GOLGB1: variants seen among roughly 807,000 people sequenced by gnomAD.
The protein encoded by GOLGB1 is golgin subfamily B member 1.
Under a neutral mutation model 336.9 loss-of-function variants are expected in GOLGB1, and 174 were observed. That is an observed-to-expected ratio of 0.52 (90% confidence interval 0.46 to 0.59). The LOEUF is 0.59. Ranked by LOEUF, GOLGB1 falls within the 20% of genes least tolerant of loss-of-function variation. The pLI, the probability that GOLGB1 is intolerant of heterozygous loss-of-function variation, is 0.00. For synonymous variants in GOLGB1, 1,208 were observed against 1,289.2 expected, an observed-to-expected ratio of 0.94 and a Z score of 1.35; for missense variants, 3,331 against 3,645.3, an observed-to-expected ratio of 0.91 and a Z score of 2.22.
At chr3:121,667,058 T>C (rs1011509991) in intron 20 of GOLGB1, among the ~76,000 whole-genome samples, 1 of 152,238 alleles carries the variant, frequency 6.6e-6, no homozygotes, top group Non-Finnish European at 1.5e-5. Context: ...AATAAAAAGC[T>C]ACATTCTTTT....
intron 9 of GOLGB1, among the ~76,000 whole-genome samples, chr3:121,716,217 T>C (rs188932204): frequency 6.6e-6 from 1 of 152,322 alleles, no homozygotes; most frequent in Non-Finnish European, 1.5e-5. Flanking sequence ...TAGGCACATA[T>C]TACTTTTATA....
chr3:121,740,245 T>A (rs546175239), intron 1 of GOLGB1, among the ~76,000 whole-genome samples: 11 of 152,238 alleles, frequency 7.2e-5, no homozygotes, highest in Non-Finnish European at 1.5e-4. Context: ...AACTGGGGAA[T>A]ATATCTATCT....
intron 17 of GOLGB1, among the ~76,000 whole-genome samples, chr3:121,670,685 A>G (rs1340789099): frequency 7.0e-6 from 1 of 142,072 alleles, no homozygotes; most frequent in Non-Finnish European, 1.5e-5. Flanking sequence ...CTAGAGCTCT[A>G]TCTACTATCT....
At chr3:121,728,688 C>T (rs1945848373) in intron 4 of GOLGB1, among the ~76,000 whole-genome samples, 1 of 152,192 alleles carries the variant, frequency 6.6e-6, no homozygotes, top group African/African-American at 2.4e-5. Context: ...CCTAGTGAGC[C>T]TCCCTTTTAG....
At chr3:121,706,452 A>G (rs1470942695) in intron 10 of GOLGB1, among the ~76,000 whole-genome samples, 1 of 152,050 alleles carries the variant, frequency 6.6e-6, no homozygotes, top group Non-Finnish European at 1.5e-5. Context: ...AACAAAATGC[A>G]AGGGCCGGGT....
At chr3:121,743,050 C>T (rs1230680631) in intron 1 of GOLGB1, among the ~76,000 whole-genome samples, 1 of 152,206 alleles carries the variant, frequency 6.6e-6, no homozygotes, top group Admixed American at 6.5e-5. Context: ...TTGTGGAAGA[C>T]AGTGTGGCAA....
chr3:121,682,952 C>T (rs2107679907), intron 14 of GOLGB1, among the ~76,000 whole-genome samples: 1 of 151,246 alleles, frequency 6.6e-6, no homozygotes, highest in South Asian at 2.1e-4. Flanking sequence ...GAATTAACAG[C>T]ATCAGGCACC....
rs1265296283 is a variant in GOLGB1 at position 121,691,984 on chromosome 3, T to G, written c.7380A>C (p.Gln2460His). 6.2e-7 allele frequency: 1 copy of G among 1,613,976 alleles called. No homozygotes were observed. Among genetic ancestry groups the G allele is most frequent in the South Asian group, 1.1e-5 (1 of 91,022 alleles). Reference protein sequence around the residue: ...LKTIKKENIQQKAQLDSFVKS... With the variant: ...LKTIKKENIQHKAQLDSFVKS... ...TAACAAAGGAATCCAACTGTGCCTTTTGCTGAATGTTTTCCTTTTTGATGG... is the reference window on the plus strand; with the variant it reads ...TAACAAAGGAATCCAACTGTGCCTTGTGCTGAATGTTTTCCTTTTTGATGG... The change falls in exon 14 of 22, where the codon CAA becomes CAC. Residue 2460 changes from glutamine (Q) to histidine (H), a missense_variant. Gln to His is a conservative substitution (Grantham distance 24). Coordinates refer to ENST00000614479, the MANE Select transcript of GOLGB1 (RefSeq NM_001366282.2).
At chr3:121,711,363 T>A (rs1276712596) in intron 10 of GOLGB1, among the ~76,000 whole-genome samples, 1 of 151,964 alleles carries the variant, frequency 6.6e-6, no homozygotes, top group African/African-American at 2.4e-5. Flanking sequence ...GAAAAATTCC[T>A]CTACAAGATT....
chr3:121,704,158 T>C (rs1402252169), intron 10 of GOLGB1, among the ~76,000 whole-genome samples: 1 of 151,134 alleles, frequency 6.6e-6, no homozygotes, highest in African/African-American at 2.4e-5. Context: ...CTCAGGGACA[T>C]GTGGGACAAT....
intron 15 of GOLGB1, 115 bp from the exon 16 acceptor site, chr3:121,677,565 TAAAG>T (rs1282166052): frequency 2.4e-5 from 17 of 696,976 alleles, no homozygotes; most frequent in Non-Finnish European, 3.9e-5. Context: ...ATCTGGAAGG[TAAAG>T]AAAGAAAGGC....
At position 121,717,098 on chromosome 3, in the gene GOLGB1, A is replaced by G. The variant is rs752295130; in HGVS notation, c.927T>C (p.Asn309=). 2 of 1,613,126 alleles carry G rather than the reference A, an allele frequency of 1.2e-6. No homozygotes were observed. The highest frequency in any genetic ancestry group is 1.1e-5 in the South Asian group (1 of 90,982). ...CTGTTTCCACAGTGTTCCTCAAAGT[A>G]TTATGCTCAGCTTCCATCTGCTGTA... ...QQLQQMEAEH[N]TLRNTVETER... The change falls in exon 9 of 22, where the codon AAT becomes AAC. Residue 309 remains asparagine (N), a synonymous_variant. Coordinates refer to ENST00000614479, the MANE Select transcript of GOLGB1 (RefSeq NM_001366282.2).
Position 121,696,184 on chromosome 3 carries a change from G to C in GOLGB1, c.4339C>G (p.Gln1447Glu). Reference sequence around the variant, plus strand: ...TGCTCTTTGGCTTGCATTTCTAGCTGTGTATGCAGAGCCTTAATTAAATCT... The same window carrying C: ...TGCTCTTTGGCTTGCATTTCTAGCTCTGTATGCAGAGCCTTAATTAAATCT... ...QEDLIKALHT[Q>E]LEMQAKEHDE... The change falls in exon 13 of 22, where the codon CAG (glutamine) becomes GAG (glutamate). Residue 1447 changes from glutamine to glutamate, a missense_variant. Gln to Glu is a conservative substitution (Grantham distance 29). Coordinates refer to ENST00000614479, the MANE Select transcript of GOLGB1 (RefSeq NM_001366282.2). The C allele has an allele frequency of 1.2e-6, 2 of 1,614,016 alleles. No homozygotes were observed. The highest frequency in any genetic ancestry group is 2.2e-5 in the South Asian group (2 of 91,076).
chr3:121,713,976 T>C (rs1018999776), intron 10 of GOLGB1, among the ~76,000 whole-genome samples: 1 of 152,190 alleles, frequency 6.6e-6, no homozygotes, highest in Admixed American at 6.5e-5. Context: ...ATGTTAATGA[T>C]AGAATTCAGA....
intron 1 of GOLGB1, among the ~76,000 whole-genome samples, chr3:121,744,919 A>G (rs1947142401): frequency 6.6e-6 from 1 of 152,182 alleles, no homozygotes. Flanking sequence ...TCCTGGCTCA[A>G]TAAGAAGCTG....
rs1164264761 is a variant in GOLGB1, at chr3:121,698,509, C to T, written c.2014G>A (p.Asp672Asn). ...AGVELKSTKQ[D>N]GDKSLSAVPD... ...ACAGCAGAAAGGGATTTATCACCAT[C>T]CTGCTTTGTTGATTTCAATTCTACT... The change falls in exon 13 of 22, where the codon GAT becomes AAT. Residue 672 changes from aspartate to asparagine, a missense_variant. Physicochemically the swap from Asp to Asn is conservative, Grantham distance 23. Coordinates refer to ENST00000614479, the MANE Select transcript of GOLGB1 (RefSeq NM_001366282.2). 1 of 1,613,044 alleles carries T rather than the reference C, an allele frequency of 6.2e-7. No homozygotes were observed. Among genetic ancestry groups the T allele is most frequent in the South Asian group, 1.1e-5 (1 of 91,038 alleles).
In GOLGB1 at chr3:121,696,007, T is replaced by C; in HGVS notation, c.4516A>G (p.Ser1506Gly). The C allele has an allele frequency of 6.2e-7, 1 of 1,614,104 alleles. No homozygotes were observed. The highest frequency in any genetic ancestry group is 8.5e-7 in the Non-Finnish European group (1 of 1,180,006). The part of the protein sequence containing the change: ...SRKEALKENK[S>G]LQEELSLARG... ...GCCAAAGACAATTCCTCTTGGAGAC[T>C]TTTGTTTTCTTTTAGTGCTTCTTTT... Residue 1506 changes from serine (S) to glycine (G), a missense_variant, in exon 13 of 22, where the codon AGT becomes GGT. Physicochemically the swap from Ser to Gly is moderately conservative, Grantham distance 56 (BLOSUM62 0). Transcript: ENST00000614479.
chr3:121,747,333 ATATATGTATATATATGTGTATATACG>A (rs1947406029), intron 1 of GOLGB1, among the ~76,000 whole-genome samples: 1 of 139,482 alleles, frequency 7.2e-6, no homozygotes, highest in Non-Finnish European at 1.6e-5. Context: ...GTATATACGT[ATATATGTATATATATGTGTATATACG>A]TATATATACG....
chr3:121,742,281 G>A (rs891602826), intron 1 of GOLGB1, among the ~76,000 whole-genome samples: 1 of 152,104 alleles, frequency 6.6e-6, no homozygotes, highest in African/African-American at 2.4e-5. Flanking sequence ...ATAGACCAAT[G>A]GAACAGAACA....
Sources: gnomAD v4.1 joint callset for allele counts (sites outside exome capture counted in the v4.1 genomes callset) on GRCh38, gnomAD v4.1.1 for gene constraint, MANE v1.5 for transcripts, NCBI Gene and HGNC (gene_info 2026-07-23, HGNC 2026-07-21) for gene names.